Variants in UNC79 observed in about 807,000 individuals in gnomAD.
UNC79 encodes unc-79 subunit of NALCN channel complex.
A neutral mutation model predicts 283.1 loss-of-function variants in UNC79; 37 were observed. That is an observed-to-expected ratio of 0.13 (90% CI 0.10 to 0.17). The LOEUF is 0.17. UNC79 is among the 10% of genes least tolerant of loss of function. The pLI is 1.00. For synonymous variants in UNC79, 1,107 were observed against 1,200.2 expected (o/e 0.92, Z 1.61); for missense variants, 2,272 against 3,211.1 (o/e 0.71, Z 7.07).
chr14:93,455,877 C>T (rs1338080594), intron 1 of UNC79, among the ~76,000 whole-genome samples: 1 of 150,852 alleles, frequency 6.6e-6, no homozygotes, highest in Non-Finnish European at 1.5e-5. Flanking sequence ...CTTGGTGCCT[C>T]TGTTTTGTTT....
At chr14:93,497,758 C>T (rs923686107) in intron 7 of UNC79, among the ~76,000 whole-genome samples, 9 of 151,904 alleles carry the variant, frequency 5.9e-5, no homozygotes, top group Non-Finnish European at 1.3e-4. Flanking sequence ...GAGGCCAAGG[C>T]GGGCAGATCA....
At chr14:93,383,535 A>G (rs771446952) in intron 1 of UNC79, among the ~76,000 whole-genome samples, 6 of 152,234 alleles carry the variant, frequency 3.9e-5, no homozygotes, top group Non-Finnish European at 5.9e-5. Flanking sequence ...CTAAAAAACA[A>G]TATGCATATC....
intron 8 of UNC79, among the ~76,000 whole-genome samples, chr14:93,526,949 C>G (rs1158028030): frequency 6.6e-6 from 1 of 152,098 alleles, no homozygotes; most frequent in Non-Finnish European, 1.5e-5. Flanking sequence ...TCACCAAAAG[C>G]CTAATATCTC....
chr14:93,540,632 A>C, intron 12 of UNC79, 28 bp from the exon 13 acceptor site: 1 of 1,604,084 alleles, frequency 6.2e-7, no homozygotes, highest in Non-Finnish European at 8.5e-7. Flanking sequence ...TTCACAGTCT[A>C]ACTTGAAATC....
At chr14:93,384,534 T>A (rs79683311) in intron 1 of UNC79, among the ~76,000 whole-genome samples, 6,745 of 152,246 alleles carry the variant, frequency 0.044, 526 homozygotes, top group African/African-American at 0.15. Context: ...TTTTGCCCAT[T>A]TTAAATTGGA....
chr14:93,610,888 G>A, intron 26 of UNC79, among the ~76,000 whole-genome samples: 1 of 152,162 alleles, frequency 6.6e-6, no homozygotes, highest in East Asian at 1.9e-4. Flanking sequence ...TGGGATTACA[G>A]ATGTGAGCCA....
intron 20 of UNC79, among the ~76,000 whole-genome samples, chr14:93,583,015 G>A (rs1003484179): frequency 2.0e-5 from 3 of 152,070 alleles, no homozygotes; most frequent in African/African-American, 4.8e-5. Flanking sequence ...TCCATGATCC[G>A]GAAGAGTTAG....
chr14:93,657,036 G>C (rs553251185), intron 38 of UNC79, among the ~76,000 whole-genome samples: 4 of 152,296 alleles, frequency 2.6e-5, no homozygotes, highest in Admixed American at 2.0e-4. Flanking sequence ...ATAATGCAGG[G>C]ACCCTTAGCT....
intron 19 of UNC79, among the ~76,000 whole-genome samples, chr14:93,581,484 C>CTTTTTTT (rs569060513): frequency 9.9e-6 from 1 of 100,648 alleles, no homozygotes; most frequent in African/African-American, 4.6e-5. Context: ...GTATTTGCAT[C>CTTTTTTT]TTTTTTTTTT....
At chr14:93,622,160 G>A (rs747991369) in exon 30 of UNC79, 17 of 1,614,136 alleles carry the variant, frequency 1.1e-5, no homozygotes, top group Non-Finnish European at 1.4e-5. Context: ...TCTCAGAATA[G>A]TCGAGAGTGA....
At chr14:93,541,083 T>C (rs774815475) in intron 13 of UNC79, among the ~76,000 whole-genome samples, 3 of 152,216 alleles carry the variant, frequency 2.0e-5, no homozygotes, top group Non-Finnish European at 4.4e-5. Flanking sequence ...TCTTGGCCAT[T>C]GATTTTGATG....
intron 9 of UNC79, among the ~76,000 whole-genome samples, chr14:93,528,852 G>A (rs1260547242): frequency 6.6e-6 from 1 of 152,120 alleles, no homozygotes; most frequent in East Asian, 1.9e-4. Flanking sequence ...CTCTTTATGT[G>A]ACATGAGAAG....
At chr14:93,381,920 CTTA>C (rs2054673545) in intron 1 of UNC79, among the ~76,000 whole-genome samples, 1 of 152,100 alleles carries the variant, frequency 6.6e-6, no homozygotes, top group Admixed American at 6.5e-5. Flanking sequence ...AGCTTTCAGT[CTTA>C]GGAAAGCCAA....
chr14:93,520,282 T>G (rs2060261769), intron 7 of UNC79, among the ~76,000 whole-genome samples: 1 of 151,970 alleles, frequency 6.6e-6, no homozygotes, highest in African/African-American at 2.4e-5. Flanking sequence ...ATTCTTATCT[T>G]TGTTCCCCTG....
At chr14:93,579,208 C>T (rs1276178498) in intron 18 of UNC79, among the ~76,000 whole-genome samples, 1 of 152,180 alleles carries the variant, frequency 6.6e-6, no homozygotes, top group African/African-American at 2.4e-5. Context: ...TGTCCCATTA[C>T]TGTGATGATA....
chr14:93,667,760 T>C (rs1469170095), intron 40 of UNC79, among the ~76,000 whole-genome samples: 1 of 152,184 alleles, frequency 6.6e-6, no homozygotes, highest in African/African-American at 2.4e-5. Context: ...ATATCCTTCA[T>C]AGATGCAAAA....
intron 40 of UNC79, among the ~76,000 whole-genome samples, chr14:93,669,093 T>C (rs545289304): frequency 4.6e-5 from 7 of 151,650 alleles, no homozygotes; most frequent in Non-Finnish European, 1.0e-4. Flanking sequence ...TTTATGTTCA[T>C]GGATGAAGAC....
At chr14:93,683,021 A>G (rs2073960729) in intron 42 of UNC79, among the ~76,000 whole-genome samples, 2 of 152,168 alleles carry the variant, frequency 1.3e-5, no homozygotes, top group South Asian at 4.1e-4. Flanking sequence ...GTTATTTTCT[A>G]TATTTTTCTA....
intron 5 of UNC79, among the ~76,000 whole-genome samples, chr14:93,494,498 A>G (rs1249392231): frequency 6.6e-6 from 1 of 152,158 alleles, no homozygotes; most frequent in Non-Finnish European, 1.5e-5. Context: ...GAGACACCTA[A>G]TAGGAGCTGG....
Sources: allele counts gnomAD v4.1 joint callset (sites outside exome capture counted in the v4.1 genomes callset), GRCh38; gene constraint gnomAD v4.1.1; transcripts MANE v1.5; gene names NCBI Gene and HGNC (gene_info 2026-07-23, HGNC 2026-07-21).